The following ZNF644 variants were observed in gnomAD, a reference collection of about 807,000 sequenced individuals.
ZNF644 encodes zinc finger motif enhancer binding protein 2.
In ZNF644, 20 loss-of-function variants were observed where a neutral mutation model predicts 108.0. The ratio of observed to expected loss-of-function variants is 0.19; its 90% CI spans 0.13 to 0.27. The LOEUF is 0.27. Ranked by LOEUF, ZNF644 falls within the 10% of genes least tolerant of loss-of-function variation. The pLI, the probability that ZNF644 is intolerant of heterozygous loss-of-function variation, is 1.00. For synonymous variants in ZNF644, 542 were observed against 539.1 expected (o/e 1.01, Z -0.08); for missense variants, 1,338 against 1,548.9 (o/e 0.86, Z 2.29).
In ZNF644 at chr1:90,918,187, T is replaced by C. The variant is rs780565750; in HGVS notation, c.3689-33A>G. 5.1e-6 allele frequency: 8 copies of C among 1,554,830 alleles called. No individual in the cohort carries two copies. In the African/African-American group the frequency reaches 1.1e-4, roughly 21 times the overall value. ...GGGGAAGAGAAAGACTTAACATTCC[T>C]TATATATTTCAAAATATACATACAC... On this transcript the variant is annotated intron_variant, in intron 4 of 5. Transcript: ENST00000337393.
At chr1:90,962,052 GAAGA>G (rs1190572227) in intron 2 of ZNF644, among the ~76,000 whole-genome samples, 4 of 152,046 alleles carry the variant, frequency 2.6e-5, no homozygotes, top group African/African-American at 4.8e-5. Context: ...GGGATCCTGA[GAAGA>G]AAGAATTTCA....
intron 2 of ZNF644, among the ~76,000 whole-genome samples, chr1:90,968,195 C>T (rs540977407): frequency 3.3e-5 from 5 of 152,050 alleles, no homozygotes; most frequent in Admixed American, 3.3e-4. Context: ...AATTCACATG[C>T]CTCATGATCA....
At chr1:91,020,919 T>C (rs562814759) in intron 1 of ZNF644, 3 of 152,356 alleles carry the variant, frequency 2.0e-5, no homozygotes, top group South Asian at 2.1e-4. Context: ...CTCGTTGAGT[T>C]TGATGATCAC....
intron 2 of ZNF644, among the ~76,000 whole-genome samples, chr1:90,947,533 A>C (rs934242665): frequency 6.6e-6 from 1 of 152,178 alleles, no homozygotes; most frequent in Non-Finnish European, 1.5e-5. Context: ...CTCCACAGAA[A>C]GTATTATGCC....
intron 1 of ZNF644, among the ~76,000 whole-genome samples, chr1:91,001,215 T>G (rs1045401554): frequency 2.6e-5 from 4 of 151,808 alleles, no homozygotes; most frequent in South Asian, 2.1e-4. Context: ...TACCAAAGCC[T>G]GGCAGAGACA....
At chr1:90,970,998 CA>C (rs61253802) in intron 2 of ZNF644, among the ~76,000 whole-genome samples, 13,146 of 92,764 alleles carry the variant, frequency 0.14, 292 homozygotes, top group South Asian at 0.17. Context: ...GACTCCATTT[CA>C]AAAAAAAAAA....
At chr1:90,973,586 T>C (rs1305329360) in intron 2 of ZNF644, among the ~76,000 whole-genome samples, 1 of 152,218 alleles carries the variant, frequency 6.6e-6, no homozygotes, top group Admixed American at 6.5e-5. Context: ...TGGTTTTTAT[T>C]TTTAATCCAT....
intron 1 of ZNF644, among the ~76,000 whole-genome samples, chr1:91,000,217 C>G (rs1450555567): frequency 6.6e-6 from 1 of 152,202 alleles, no homozygotes; most frequent in Non-Finnish European, 1.5e-5. Context: ...CTCTCCACCC[C>G]AAATCAACAG....
intron 2 of ZNF644, among the ~76,000 whole-genome samples, chr1:90,974,617 CTGGTCTCTTTTGCTGTGTAA>C (rs1453997346): frequency 2.0e-5 from 3 of 152,160 alleles, no homozygotes; most frequent in Admixed American, 6.5e-5. Context: ...ACCACCAAAG[CTGGTCTCTTTTGCTGTGTAA>C]ATCTCTCTCA....
chr1:90,924,496 A>T lies in ZNF644; in HGVS notation c.3689-6342T>A, dbSNP rs553371750. On this transcript the variant is annotated intron_variant, in intron 4 of 5. Coordinates refer to ENST00000337393, the MANE Select transcript of ZNF644 (RefSeq NM_201269.3). ...GATATATCATTTCAGATGTAGTAAC[A>T]ATAATTAAATTGTTCTTGATCATAA... 7.3e-4 allele frequency among the ~76,000 whole-genome samples: 111 copies of T among 152,316 alleles called. 3 individuals are homozygous for T. In the South Asian group the frequency reaches 0.022, roughly 30 times the overall value.
intron 1 of ZNF644, among the ~76,000 whole-genome samples, chr1:90,986,100 A>C (rs984987731): frequency 1.3e-5 from 2 of 152,074 alleles, no homozygotes; most frequent in African/African-American, 2.4e-5. Flanking sequence ...GAGGGGGTAC[A>C]AAAAAAGAGG....
At chr1:90,918,787 C>T (rs1384160884) in intron 4 of ZNF644, among the ~76,000 whole-genome samples, 1 of 151,994 alleles carries the variant, frequency 6.6e-6, no homozygotes, top group Non-Finnish European at 1.5e-5. Context: ...CATTTTTGAA[C>T]TTAATTTGTA....
intron 1 of ZNF644, chr1:91,020,821 T>C (rs926959875): frequency 7.2e-6 from 1 of 139,654 alleles, no homozygotes; most frequent in African/African-American, 2.6e-5. Flanking sequence ...GAATTAGGAC[T>C]GGACAGGATA....
rs1570496024 is a variant in ZNF644, at chr1:90,982,341, A to G, written c.13T>C (p.Leu5=). Residue 5 remains leucine (L), a synonymous_variant, in exon 2 of 6, where the codon TTG becomes CTG. Transcript: ENST00000337393. ...TTTGTCTTATTAACATCTTGCTGCA[A>G]GAACGATCTCATCCAAAATTAAATC... The part of the protein sequence containing the change: MRSF[L]QQDVNKTKSR... 6.2e-7 allele frequency: 1 copy of G among 1,610,980 alleles called. No homozygotes were observed. Among genetic ancestry groups the G allele is most frequent in the Non-Finnish European group, 8.5e-7 (1 of 1,179,224 alleles).
At chr1:90,935,185 T>G (rs1651190606) in intron 4 of ZNF644, among the ~76,000 whole-genome samples, 1 of 152,182 alleles carries the variant, frequency 6.6e-6, no homozygotes. Flanking sequence ...TGGGTTAATT[T>G]TTTTTCCCCC....
chr1:91,001,386 C>G (rs962818445), intron 1 of ZNF644, among the ~76,000 whole-genome samples: 9 of 152,270 alleles, frequency 5.9e-5, no homozygotes, highest in African/African-American at 1.7e-4. Flanking sequence ...TCAACGTACA[C>G]AAATCAATAA....
intron 1 of ZNF644, among the ~76,000 whole-genome samples, chr1:91,010,080 A>G (rs1369866460): frequency 6.6e-6 from 1 of 152,100 alleles, no homozygotes; most frequent in Non-Finnish European, 1.5e-5. Flanking sequence ...ATTCTATTCA[A>G]TGATCTTCAG....
chr1:90,948,701 T>C (rs900390728), intron 2 of ZNF644, among the ~76,000 whole-genome samples: 4 of 152,168 alleles, frequency 2.6e-5, no homozygotes, highest in African/African-American at 9.7e-5. Flanking sequence ...AAAATCCACG[T>C]TTAAGTGGAC....
intron 2 of ZNF644, among the ~76,000 whole-genome samples, chr1:90,958,104 T>C (rs1653931515): frequency 6.6e-6 from 1 of 151,466 alleles, no homozygotes; most frequent in Non-Finnish European, 1.5e-5. Flanking sequence ...ACCCTGTCTC[T>C]ACTAAAAATA....
Sources: allele counts gnomAD v4.1 joint callset (sites outside exome capture counted in the v4.1 genomes callset), GRCh38; gene constraint gnomAD v4.1.1; transcripts MANE v1.5; gene names NCBI Gene and HGNC (gene_info 2026-07-23, HGNC 2026-07-21).